Variants in LRRTM4 observed in about 807,000 individuals in gnomAD.
LRRTM4 encodes leucine-rich repeat transmembrane neuronal protein 4.
In LRRTM4, 25 loss-of-function variants were observed where a neutral mutation model predicts 47.6. The ratio of observed to expected loss-of-function variants is 0.53; its 90% CI spans 0.38 to 0.73. LRRTM4 has a LOEUF of 0.73. Ranked by LOEUF, LRRTM4 falls within the 30% of genes least tolerant of loss-of-function variation. The pLI is 0.00. For synonymous variants in LRRTM4, 311 were observed against 269.5 expected, an observed-to-expected ratio of 1.15 and a Z score of -1.51; for missense variants, 638 against 713.4, an observed-to-expected ratio of 0.89 and a Z score of 1.20.
At position 77,518,510 on chromosome 2, in the gene LRRTM4, G is replaced by A. The variant is rs1337954135; in HGVS notation, c.1359C>T (p.Ser453=). The A allele has an allele frequency of 6.2e-7, 1 of 1,613,392 alleles. No individual in the cohort carries two copies. The highest frequency in any genetic ancestry group is 1.7e-5 in the Admixed American group (1 of 59,872). Reference sequence around the variant, plus strand: ...GAGAGTGTTGCTGGAGTTGTTTCATGCTGGCTGGGTAGCGTTTCCAAGACA... The same window carrying A: ...GAGAGTGTTGCTGGAGTTGTTTCATACTGGCTGGGTAGCGTTTCCAAGACA... The part of the protein sequence containing the change: ...IYVSWKRYPA[S]MKQLQQHSLM... The change falls in exon 3 of 4, where the codon AGC becomes AGT. Residue 453 remains serine (S), a synonymous_variant. Transcript: ENST00000409884.
At chr2:77,335,094 T>C (rs1671112491) in intron 3 of LRRTM4, among the ~76,000 whole-genome samples, 1 of 152,214 alleles carries the variant, frequency 6.6e-6, no homozygotes, top group Non-Finnish European at 1.5e-5. Context: ...TGTTACCTTT[T>C]GCAACTAGCT....
intron 3 of LRRTM4, among the ~76,000 whole-genome samples, chr2:76,989,196 C>T (rs1222773877): frequency 1.3e-5 from 2 of 151,674 alleles, no homozygotes; most frequent in Non-Finnish European, 2.9e-5. Context: ...ATACCCCTGT[C>T]CCTGAATAAA....
intron 3 of LRRTM4, among the ~76,000 whole-genome samples, chr2:76,984,228 ATTG>A (rs1353689283): frequency 2.0e-5 from 3 of 152,020 alleles, no homozygotes; most frequent in Admixed American, 1.3e-4. Context: ...TTTATGATGT[ATTG>A]TTGATTTAAT....
chr2:76,914,054 C>A (rs1035290467), intron 3 of LRRTM4, among the ~76,000 whole-genome samples: 3 of 151,486 alleles, frequency 2.0e-5, no homozygotes, highest in Non-Finnish European at 4.4e-5. Flanking sequence ...ATATTTTATA[C>A]AGCAAAGTTT....
At chr2:76,801,003 G>T (rs13393676) in intron 3 of LRRTM4, among the ~76,000 whole-genome samples, 77,654 of 138,332 alleles carry the variant, frequency 0.56, 23,195 homozygotes, top group East Asian at 0.74. Context: ...CATTAAAAAG[G>T]CAGGAAACAA....
Position 76,748,231 on chromosome 2 carries a change from A to T in LRRTM4, c.*464T>A, listed in dbSNP as rs1672713426. Reference sequence around the variant, plus strand: ...GCATTTTTAAAGAAAAAATAAATGAAAGCAATTTAAATAAAATCTGTGAGA... The same window carrying T: ...GCATTTTTAAAGAAAAAATAAATGATAGCAATTTAAATAAAATCTGTGAGA... On this transcript the variant is annotated 3_prime_UTR_variant, in exon 4 of 4. Transcript: ENST00000409884. The T allele has an allele frequency of 6.5e-6, 1 of 154,180 alleles. No homozygotes were observed. Among genetic ancestry groups the T allele is most frequent in the Non-Finnish European group, 1.4e-5 (1 of 69,528 alleles). 9.6% of individuals were successfully genotyped at this position (154,180 alleles called of 1,614,324 possible). A position where few individuals can be genotyped will look rare whatever the true frequency, so the allele number is the denominator to read the frequency against.
At chr2:77,260,987 T>G (rs1675904849) in intron 3 of LRRTM4, among the ~76,000 whole-genome samples, 1 of 152,068 alleles carries the variant, frequency 6.6e-6, no homozygotes, top group South Asian at 2.1e-4. Flanking sequence ...ATTTCCTATT[T>G]TTTTCATTGA....
At chr2:77,369,751 G>A (rs1327196143) in intron 3 of LRRTM4, among the ~76,000 whole-genome samples, 1 of 151,650 alleles carries the variant, frequency 6.6e-6, no homozygotes, top group Non-Finnish European at 1.5e-5. Flanking sequence ...TAGGCTATAT[G>A]GTATACCTAT....
intron 3 of LRRTM4, among the ~76,000 whole-genome samples, chr2:76,877,911 A>G (rs902121269): frequency 3.4e-5 from 5 of 145,648 alleles, no homozygotes; most frequent in Non-Finnish European, 7.6e-5. Flanking sequence ...ATAAGAAAGA[A>G]GAAGGAAAAA....
rs935710362 is a variant in LRRTM4 at position 77,380,949 on chromosome 2, T to A, written c.1551+137369A>T. 2.4e-4 allele frequency among the ~76,000 whole-genome samples: 37 copies of A among 152,186 alleles called. 1 individual carries two copies. The highest frequency in any genetic ancestry group is 7.9e-4 in the African/African-American group (33 of 41,554). On this transcript the variant is annotated intron_variant, in intron 3 of 3. Transcript: ENST00000409884. ...ACAATATTTTAAATGAGACAACAGATAAAAGATAATAAACGAATAAATGAA... is the reference window on the plus strand; with the variant it reads ...ACAATATTTTAAATGAGACAACAGAAAAAAGATAATAAACGAATAAATGAA...
In LRRTM4 at chr2:76,807,382, T is replaced by TTATATATA. The variant is rs72365054; in HGVS notation, c.1552-58474_1552-58467dup. The stretch of plus-strand genomic sequence containing the variant: ...AGAATATGCATTATAAACATTCATT[T>TTATATATA]TATATATATATATATATGTATATAC... On this transcript the variant is annotated intron_variant, in intron 3 of 3. Transcript: ENST00000409884. 8.0e-4 allele frequency among the ~76,000 whole-genome samples: 102 copies of TTATATATA among 126,868 alleles called. 4 individuals carry two copies. The Admixed American group carries it at 8.1e-3, about 10-fold the overall frequency. The allele number at this position is 126,868 out of a possible 152,430, so 83.2% of individuals were successfully genotyped here.
intron 3 of LRRTM4, among the ~76,000 whole-genome samples, chr2:76,848,606 C>G (rs1369034207): frequency 6.6e-6 from 1 of 151,958 alleles, no homozygotes; most frequent in Admixed American, 6.6e-5. Flanking sequence ...ATCTCCAGTT[C>G]ATTATTATTT....
chr2:77,334,485 C>T (rs560905854), intron 3 of LRRTM4, among the ~76,000 whole-genome samples: 30 of 152,092 alleles, frequency 2.0e-4, no homozygotes, highest in South Asian at 6.2e-4. Flanking sequence ...TTATGATATC[C>T]GATTGTTTTA....
intron 3 of LRRTM4, among the ~76,000 whole-genome samples, chr2:76,809,504 A>G (rs1043937025): frequency 1.3e-5 from 2 of 152,100 alleles, no homozygotes; most frequent in African/African-American, 2.4e-5. Flanking sequence ...CTGGGGGGAA[A>G]AATTGTAACC....
intron 3 of LRRTM4, among the ~76,000 whole-genome samples, chr2:77,023,009 G>A (rs1359086304): frequency 1.3e-5 from 2 of 152,248 alleles, no homozygotes; most frequent in Non-Finnish European, 2.9e-5. Context: ...CCCTGCTCCT[G>A]CAGCAAACTT....
At chr2:76,755,303 C>T (rs1247056380) in intron 3 of LRRTM4, among the ~76,000 whole-genome samples, 1 of 152,064 alleles carries the variant, frequency 6.6e-6, no homozygotes, top group Non-Finnish European at 1.5e-5. Context: ...ATTGATTATT[C>T]TGATGACTAG....
chr2:77,326,453 G>T (rs1434903210), intron 3 of LRRTM4, among the ~76,000 whole-genome samples: 3 of 152,178 alleles, frequency 2.0e-5, no homozygotes, highest in Non-Finnish European at 2.9e-5. Context: ...GACAGCAGTA[G>T]TATGATCATA....
chr2:77,096,601 A>G (rs1367286456), intron 3 of LRRTM4, among the ~76,000 whole-genome samples: 2 of 151,566 alleles, frequency 1.3e-5, no homozygotes, highest in Non-Finnish European at 3.0e-5. Context: ...ATAAAAGTAA[A>G]AAGTGATAAA....
intron 3 of LRRTM4, among the ~76,000 whole-genome samples, chr2:76,753,925 C>G (rs775940041): frequency 1.3e-5 from 2 of 152,090 alleles, no homozygotes; most frequent in Non-Finnish European, 2.9e-5. Context: ...GCTTAAGAGT[C>G]GGATCATTTT....
Sources: gnomAD v4.1 joint callset for allele counts (sites outside exome capture counted in the v4.1 genomes callset) on GRCh38, gnomAD v4.1.1 for gene constraint, MANE v1.5 for transcripts, NCBI Gene and HGNC (gene_info 2026-07-23, HGNC 2026-07-21) for gene names.